The following MED13L variants were observed in gnomAD, a reference collection of about 807,000 sequenced individuals.
The protein encoded by MED13L is mediator of RNA polymerase II transcription subunit 13-like.
In MED13L, 7 loss-of-function variants were observed where a neutral mutation model predicts 220.9. That is an observed-to-expected ratio of 0.03 (90% CI 0.02 to 0.06). MED13L has a LOEUF of 0.06. Ranked by LOEUF, MED13L falls within the 10% of genes least tolerant of loss-of-function variation. The pLI is 1.00. For synonymous variants in MED13L, 1,011 were observed against 1,015.2 expected, an observed-to-expected ratio of 1.00 and a Z score of 0.08; for missense variants, 1,965 against 2,760.5, an observed-to-expected ratio of 0.71 and a Z score of 6.46.
rs1352617205 is a variant in MED13L, at chr12:116,031,752, A to AGGAAGGAAGGAAGGAAGG, written c.480-9152_480-9151insCCTTCCTTCCTTCCTTCC. On this transcript the variant is annotated intron_variant, in intron 4 of 30. Transcript: ENST00000281928. ...AAAGAAAAGAAAAGAAAAGAAAAGA[A>AGGAAGGAAGGAAGGAAGG]AAGAAAAGAAGGAAGGAAGGAAGGA... 1.3e-3 allele frequency among the ~76,000 whole-genome samples: 42 copies of AGGAAGGAAGGAAGGAAGG among 31,488 alleles called. 3 individuals carry two copies. Among genetic ancestry groups the AGGAAGGAAGGAAGGAAGG allele is most frequent in the Non-Finnish European group, 1.7e-3 (31 of 17,924 alleles). The allele number at this position is 31,488 out of a possible 152,430, so 20.7% of individuals were successfully genotyped here.
At chr12:116,079,491 G>A (rs187927415) in intron 4 of MED13L, among the ~76,000 whole-genome samples, 2 of 152,076 alleles carry the variant, frequency 1.3e-5, no homozygotes, top group Admixed American at 1.3e-4. Flanking sequence ...CTCCCAAAGG[G>A]CTCAGATTAC....
At chr12:116,005,742 G>C in intron 13 of MED13L, 127 bp downstream of exon 13, 1 of 1,227,158 alleles carries the variant, frequency 8.1e-7, no homozygotes, top group South Asian at 1.2e-5. Context: ...CATTTATAAA[G>C]AACATTCAGA....
At chr12:116,104,969 G>A (rs868582340) in intron 3 of MED13L, among the ~76,000 whole-genome samples, 4 of 152,052 alleles carry the variant, frequency 2.6e-5, no homozygotes, top group Non-Finnish European at 5.9e-5. Flanking sequence ...CATATTTTCC[G>A]GCTTTTTAAA....
chr12:116,023,822 T>C (rs1880211142), intron 4 of MED13L, among the ~76,000 whole-genome samples: 1 of 152,210 alleles, frequency 6.6e-6, no homozygotes, highest in South Asian at 2.1e-4. Flanking sequence ...AAACCCTTGA[T>C]ACCATACTTC....
intron 17 of MED13L, among the ~76,000 whole-genome samples, chr12:115,989,535 T>C (rs768491995): frequency 5.3e-5 from 8 of 152,038 alleles, no homozygotes; most frequent in Non-Finnish European, 1.0e-4. Context: ...ATTGAAGTTA[T>C]CACCTATATG....
At chr12:116,224,958 A>ATTAC (rs1868811005) in intron 2 of MED13L, among the ~76,000 whole-genome samples, 1 of 152,168 alleles carries the variant, frequency 6.6e-6, no homozygotes, top group Non-Finnish European at 1.5e-5. Flanking sequence ...CAGCCTCCGA[A>ATTAC]AGTGCTGGGA....
At chr12:116,060,527 G>A (rs1380740089) in intron 4 of MED13L, among the ~76,000 whole-genome samples, 2 of 148,846 alleles carry the variant, frequency 1.3e-5, no homozygotes, top group African/African-American at 2.5e-5. Flanking sequence ...GTAGTGAGCC[G>A]AGATCATGCC....
intron 2 of MED13L, among the ~76,000 whole-genome samples, chr12:116,198,528 T>C (rs2066399442): frequency 6.6e-6 from 1 of 152,182 alleles, no homozygotes; most frequent in Non-Finnish European, 1.5e-5. Context: ...TACAGAAGTT[T>C]AGATGTGCCT....
Position 116,008,438 on chromosome 12 carries a change from T to G in MED13L, c.1975A>C (p.Lys659Gln). Residue 659 changes from lysine (K) to glutamine (Q), a missense_variant, in exon 10 of 31, where the codon AAA becomes CAA. Physicochemically the swap from Lys to Gln is moderately conservative, Grantham distance 53 (BLOSUM62 1). Transcript: ENST00000281928. ...PELQGERCDA[K>Q]MEVNSESTAL... The stretch of plus-strand genomic sequence containing the variant: ...GTGCTCTCTGAGTTTACCTCCATTT[T>G]GGCATCACATCTCTCACCCTGGAGC... The G allele has an allele frequency of 6.2e-7, 1 of 1,612,486 alleles. No individual in the cohort carries two copies. Among genetic ancestry groups the G allele is most frequent in the Non-Finnish European group, 8.5e-7 (1 of 1,179,790 alleles).
At chr12:116,049,078 G>T (rs943003158) in intron 4 of MED13L, among the ~76,000 whole-genome samples, 1 of 152,126 alleles carries the variant, frequency 6.6e-6, no homozygotes, top group African/African-American at 2.4e-5. Context: ...CTTTCTACTA[G>T]ACATATGCTG....
chr12:116,138,152 G>A (rs188202079), intron 2 of MED13L, among the ~76,000 whole-genome samples: 34 of 152,114 alleles, frequency 2.2e-4, no homozygotes, highest in Admixed American at 1.8e-3. Flanking sequence ...CACCACGCCC[G>A]GCCTGACATA....
chr12:116,244,631 T>A (rs374473013), intron 1 of MED13L, among the ~76,000 whole-genome samples: 2 of 152,260 alleles, frequency 1.3e-5, no homozygotes, highest in East Asian at 1.9e-4. Context: ...GGAGATTAAA[T>A]AAGAACAACT....
chr12:115,966,275 G>A (rs372603036), intron 28 of MED13L, 32 bp from the exon 29 acceptor site: 141 of 1,612,918 alleles, frequency 8.7e-5, no homozygotes, highest in Non-Finnish European at 1.1e-4. Context: ...AACATGATCA[G>A]CATTTATCTT....
At chr12:116,002,139 G>A (rs940269285) in intron 14 of MED13L, among the ~76,000 whole-genome samples, 7 of 152,122 alleles carry the variant, frequency 4.6e-5, no homozygotes, top group African/African-American at 1.7e-4. Context: ...CTACAGCAAC[G>A]GGCTGGCTAT....
chr12:116,136,980 A>C (rs1303454500), intron 2 of MED13L, among the ~76,000 whole-genome samples: 2 of 152,208 alleles, frequency 1.3e-5, no homozygotes, highest in African/African-American at 2.4e-5. Context: ...CATCAGTAAA[A>C]ATTTAAAAAC....
chr12:116,226,196 A>G (rs1251441585), intron 2 of MED13L, among the ~76,000 whole-genome samples: 2 of 151,980 alleles, frequency 1.3e-5, no homozygotes, highest in Non-Finnish European at 2.9e-5. Flanking sequence ...AAAGAGAGGG[A>G]GAGAGAGAAC....
intron 3 of MED13L, among the ~76,000 whole-genome samples, chr12:116,107,236 C>G (rs1873666072): frequency 6.6e-6 from 1 of 152,222 alleles, no homozygotes; most frequent in African/African-American, 2.4e-5. Flanking sequence ...TATCTTCTGT[C>G]TGATATCGTT....
chr12:116,015,337 GCTAT>G, intron 7 of MED13L, 63 bp from the exon 8 acceptor site: 1 of 1,520,382 alleles, frequency 6.6e-7, no homozygotes, highest in East Asian at 2.3e-5. Context: ...TTCATAGACT[GCTAT>G]CTTATTAACA....
At chr12:115,976,637 ATGTG>A (rs1408831512) in intron 23 of MED13L, among the ~76,000 whole-genome samples, 1 of 152,212 alleles carries the variant, frequency 6.6e-6, no homozygotes, top group African/African-American at 2.4e-5. Flanking sequence ...ATAGTTTAAT[ATGTG>A]TGTCTGTGTA....
Sources: allele counts gnomAD v4.1 joint callset (sites outside exome capture counted in the v4.1 genomes callset), GRCh38; gene constraint gnomAD v4.1.1; transcripts MANE v1.5; gene names NCBI Gene and HGNC (gene_info 2026-07-23, HGNC 2026-07-21).